MUC7: variants seen among roughly 807,000 people sequenced by gnomAD.
MUC7 encodes the protein mucin-7.
Under a neutral mutation model 2.5 loss-of-function variants are expected in MUC7, and 2 were observed. The ratio of observed to expected loss-of-function variants is 0.81; its 90% CI spans 0.33 to 2.55. The LOEUF (loss-of-function observed/expected upper bound fraction) is 2.55. Among genes scored for constraint, MUC7 ranks in the 30% most tolerant of loss-of-function variants. MUC7 has a pLI of 0.11. For missense variants in MUC7, 408 were observed against 455.6 expected, an observed-to-expected ratio of 0.90 and a Z score of 0.95; for synonymous variants, 133 against 173.4, an observed-to-expected ratio of 0.77 and a Z score of 1.83.
chr4:70,437,816 G>C (rs1414762902), intron 1 of MUC7, among the ~76,000 whole-genome samples: 1 of 152,048 alleles, frequency 6.6e-6, no homozygotes, highest in Non-Finnish European at 1.5e-5. Context: ...GTCTCGCTGG[G>C]AGCTGTAGAC....
At position 70,475,838 on chromosome 4, in the gene MUC7, G is replaced by A. The variant is rs183710925; in HGVS notation, c.54+1763G>A. Among the ~76,000 whole-genome samples, 19 of 152,308 alleles carry A rather than the reference G, an allele frequency of 1.2e-4. No homozygotes were observed. In the East Asian group the frequency reaches 3.5e-3, roughly 28 times the overall value. ...CAGTAGAGTAGAGAGAGAGAGGGCA[G>A]AAGAACTGATGAAGTGGACGGAATT... On this transcript the variant is annotated intron_variant, in intron 2 of 2. Transcript: ENST00000304887.
At chr4:70,457,381 T>A (rs1182392319) in intron 1 of MUC7, among the ~76,000 whole-genome samples, 4 of 152,094 alleles carry the variant, frequency 2.6e-5, no homozygotes, top group Admixed American at 2.6e-4. Flanking sequence ...GAGGTTAAGG[T>A]TGCAGTAAGC....
At chr4:70,473,860 CT>C in intron 1 of MUC7, 146 bp from the exon 2 acceptor site, 1 of 569,356 alleles carries the variant, frequency 1.8e-6, no homozygotes, top group Non-Finnish European at 3.1e-6. Flanking sequence ...TGCATCACCC[CT>C]ATGGAATGAA....
intron 1 of MUC7, among the ~76,000 whole-genome samples, chr4:70,431,821 A>G (rs1261971516): frequency 1.1e-4 from 16 of 152,076 alleles, no homozygotes; most frequent in Non-Finnish European, 2.2e-4. Flanking sequence ...ATATGTATAC[A>G]TGTGCCATGT....
intron 1 of MUC7, among the ~76,000 whole-genome samples, chr4:70,445,078 C>T (rs1734098145): frequency 6.6e-6 from 1 of 152,058 alleles, no homozygotes; most frequent in Non-Finnish European, 1.5e-5. Flanking sequence ...AAACAAAACA[C>T]TTTTGTTCCC....
chr4:70,460,700 G>A (rs1734532623), intron 1 of MUC7, among the ~76,000 whole-genome samples: 1 of 152,052 alleles, frequency 6.6e-6, no homozygotes, highest in African/African-American at 2.4e-5. Context: ...ATAGAGTACT[G>A]AGGACCCTGC....
chr4:70,435,922 G>C (rs1733820121), intron 1 of MUC7, among the ~76,000 whole-genome samples: 1 of 152,114 alleles, frequency 6.6e-6, no homozygotes, highest in Non-Finnish European at 1.5e-5. Context: ...CTTCACATTT[G>C]CTTGTCTGTA....
chr4:70,460,157 T>A (rs1734519484), intron 1 of MUC7, among the ~76,000 whole-genome samples: 1 of 151,582 alleles, frequency 6.6e-6, no homozygotes, highest in Non-Finnish European at 1.5e-5. Context: ...ATTACAACAC[T>A]TAGATTACAC....
intron 1 of MUC7, among the ~76,000 whole-genome samples, chr4:70,440,421 T>C (rs1733972635): frequency 6.6e-6 from 1 of 152,152 alleles, no homozygotes. Context: ...ATCTGTCTTG[T>C]ACATCTTTGA....
intron 1 of MUC7, among the ~76,000 whole-genome samples, chr4:70,435,404 T>C (rs2200985): frequency 0.095 from 14,481 of 152,292 alleles, 928 homozygotes; most frequent in African/African-American, 0.17. Flanking sequence ...GGTGTGTATA[T>C]ATTTAGTACA....
chr4:70,468,667 G>A (rs901253351), upstream of MUC7, among the ~76,000 whole-genome samples: 2 of 152,090 alleles, frequency 1.3e-5, no homozygotes, highest in African/African-American at 4.8e-5. Flanking sequence ...TTGCTACAAA[G>A]AGAATAAAAT....
chr4:70,454,390 CT>C (rs1734365199), intron 1 of MUC7, among the ~76,000 whole-genome samples: 1 of 152,200 alleles, frequency 6.6e-6, no homozygotes, highest in African/African-American at 2.4e-5. Context: ...CAAGTATCAG[CT>C]GACTTAAGCC....
At chr4:70,445,019 G>C (rs1734095720) in intron 1 of MUC7, among the ~76,000 whole-genome samples, 1 of 152,182 alleles carries the variant, frequency 6.6e-6, no homozygotes, top group African/African-American at 2.4e-5. Flanking sequence ...CTGGGTGACA[G>C]AGACTCTGTC....
At chr4:70,444,433 C>T (rs1041770647) in intron 1 of MUC7, among the ~76,000 whole-genome samples, 1 of 152,176 alleles carries the variant, frequency 6.6e-6, no homozygotes, top group South Asian at 2.1e-4. Flanking sequence ...CCAACACTAG[C>T]CTACTCCTTA....
intron 2 of MUC7, among the ~76,000 whole-genome samples, chr4:70,478,904 G>A (rs1271430357): frequency 6.6e-6 from 1 of 152,158 alleles, no homozygotes; most frequent in Non-Finnish European, 1.5e-5. Flanking sequence ...GAGATTTATG[G>A]AAAAATACCA....
intron 1 of MUC7, among the ~76,000 whole-genome samples, chr4:70,472,694 G>A (rs184757643): frequency 6.6e-6 from 1 of 152,240 alleles, no homozygotes; most frequent in African/African-American, 2.4e-5. Context: ...TTCTTATGAT[G>A]TAAGATTGCA....
chr4:70,450,419 C>A (rs1185232539), intron 1 of MUC7, among the ~76,000 whole-genome samples: 1 of 152,212 alleles, frequency 6.6e-6, no homozygotes. Flanking sequence ...ATGCCTAGGG[C>A]CCACTTGGCC....
intron 1 of MUC7, among the ~76,000 whole-genome samples, chr4:70,440,450 C>G (rs1733974236): frequency 6.6e-6 from 1 of 152,082 alleles, no homozygotes; most frequent in Non-Finnish European, 1.5e-5. Flanking sequence ...GCATCTAACA[C>G]TCTGCCCAGG....
chr4:70,458,982 T>C (rs565616566), intron 1 of MUC7, among the ~76,000 whole-genome samples: 4 of 152,274 alleles, frequency 2.6e-5, no homozygotes, highest in South Asian at 4.1e-4. Flanking sequence ...ATCTAGACAA[T>C]ATAAAAGTCA....
Sources: allele counts gnomAD v4.1 joint callset (sites outside exome capture counted in the v4.1 genomes callset), GRCh38; gene constraint gnomAD v4.1.1; transcripts MANE v1.5; gene names NCBI Gene and HGNC (gene_info 2026-07-23, HGNC 2026-07-21).